FGF14: variants seen among roughly 807,000 people sequenced by gnomAD.
FGF14 encodes the protein fibroblast growth factor 14, also known as fibroblast growth factor homologous factor 4.
A neutral mutation model predicts 25.5 loss-of-function variants in FGF14; 5 were observed. That is an observed-to-expected ratio of 0.20 (90% CI 0.10 to 0.41). The LOEUF is 0.41. FGF14 is among the 10% of genes least tolerant of loss of function. The pLI, the probability that FGF14 is intolerant of heterozygous loss-of-function variation, is 1.00. For missense variants in FGF14, 222 were observed against 320.1 expected, an observed-to-expected ratio of 0.69 and a Z score of 2.34; for synonymous variants, 138 against 118.3, an observed-to-expected ratio of 1.17 and a Z score of -1.08.
chr13:101,888,106 A>C (rs1040130804), intron 1 of FGF14, among the ~76,000 whole-genome samples: 3 of 152,118 alleles, frequency 2.0e-5, no homozygotes, highest in African/African-American at 7.2e-5. Flanking sequence ...TGGGGATAAC[A>C]GTAGGTGAGG....
intron 1 of FGF14, among the ~76,000 whole-genome samples, chr13:102,041,167 C>T (rs1006692507): frequency 4.6e-5 from 7 of 151,942 alleles, no homozygotes; most frequent in African/African-American, 1.7e-4. Context: ...TCTCTTCACA[C>T]ATATTTTTTA....
intron 3 of FGF14, among the ~76,000 whole-genome samples, chr13:101,758,997 A>T (rs2037832676): frequency 6.6e-6 from 1 of 152,222 alleles, no homozygotes; most frequent in Admixed American, 6.5e-5. Context: ...GAGAGATCAA[A>T]TTTCCAACCA....
chr13:102,104,938 T>C (rs1373946198), intron 1 of FGF14, among the ~76,000 whole-genome samples: 1 of 152,142 alleles, frequency 6.6e-6, no homozygotes, highest in Non-Finnish European at 1.5e-5. Flanking sequence ...AGAGATTAAA[T>C]TAAGAATAAA....
At chr13:101,854,572 G>A (rs973800584) in intron 3 of FGF14, among the ~76,000 whole-genome samples, 2 of 152,046 alleles carry the variant, frequency 1.3e-5, no homozygotes, top group African/African-American at 2.4e-5. Flanking sequence ...AAGATTAAAC[G>A]AAACATAATG....
At chr13:101,934,611 A>G (rs1269593126) in intron 1 of FGF14, among the ~76,000 whole-genome samples, 1 of 152,252 alleles carries the variant, frequency 6.6e-6, no homozygotes, top group African/African-American at 2.4e-5. Context: ...GTGCTATTCA[A>G]AATAAACAAA....
intron 3 of FGF14, among the ~76,000 whole-genome samples, chr13:101,843,059 T>C (rs572933021): frequency 3.9e-5 from 6 of 152,076 alleles, no homozygotes; most frequent in African/African-American, 4.8e-5. Flanking sequence ...ACCTGTAGTG[T>C]GGCTGGGTGT....
At chr13:102,215,487 G>A (rs2050333533) in intron 1 of FGF14, among the ~76,000 whole-genome samples, 1 of 152,046 alleles carries the variant, frequency 6.6e-6, no homozygotes, top group African/African-American at 2.4e-5. Context: ...ACTCAGAAAA[G>A]GTAAAAAGAA....
intron 1 of FGF14, among the ~76,000 whole-genome samples, chr13:102,290,460 G>A (rs2054328649): frequency 6.6e-6 from 1 of 152,080 alleles, no homozygotes; most frequent in Non-Finnish European, 1.5e-5. Flanking sequence ...AAGACAAATG[G>A]TAATAAGCCA....
intron 1 of FGF14, among the ~76,000 whole-genome samples, chr13:101,926,513 G>A (rs2139205787): frequency 6.6e-6 from 1 of 152,296 alleles, no homozygotes; most frequent in African/African-American, 2.4e-5. Context: ...AAAACGTACA[G>A]CAATTCTCAG....
At chr13:101,903,048 G>T (rs2031770343) in intron 1 of FGF14, among the ~76,000 whole-genome samples, 1 of 151,988 alleles carries the variant, frequency 6.6e-6, no homozygotes, top group Non-Finnish European at 1.5e-5. Context: ...CAGTTTTCTG[G>T]GGTTTTTTGT....
At chr13:102,298,664 G>A (rs56075802) in intron 1 of FGF14, among the ~76,000 whole-genome samples, 1 of 152,044 alleles carries the variant, frequency 6.6e-6, no homozygotes, top group Non-Finnish European at 1.5e-5. Flanking sequence ...GTGGACTCTA[G>A]ACACAAGGGT....
chr13:102,132,099 C>T (rs1430244807), intron 1 of FGF14, among the ~76,000 whole-genome samples: 1 of 152,068 alleles, frequency 6.6e-6, no homozygotes, highest in Non-Finnish European at 1.5e-5. Flanking sequence ...TCACAACATC[C>T]ATCAGCAGAC....
chr13:102,365,555 C>G (rs1240699009), intron 1 of FGF14, among the ~76,000 whole-genome samples: 1 of 152,070 alleles, frequency 6.6e-6, no homozygotes, highest in African/African-American at 2.4e-5. Flanking sequence ...TATGACTTTT[C>G]ATTAGAAACT....
At chr13:102,134,699 T>C (rs142486666) in intron 1 of FGF14, among the ~76,000 whole-genome samples, 15 of 152,320 alleles carry the variant, frequency 9.8e-5, no homozygotes, top group African/African-American at 3.4e-4. Flanking sequence ...GTGTTCCTTA[T>C]AGTGACTGAT....
At chr13:102,149,797 G>T (rs78097244) in intron 1 of FGF14, among the ~76,000 whole-genome samples, 1 of 152,124 alleles carries the variant, frequency 6.6e-6, no homozygotes, top group Non-Finnish European at 1.5e-5. Flanking sequence ...GGGAGTTAAC[G>T]AATTGGGTAA....
intron 1 of FGF14, among the ~76,000 whole-genome samples, chr13:101,881,944 A>G (rs998834936): frequency 6.6e-6 from 1 of 152,200 alleles, no homozygotes; most frequent in African/African-American, 2.4e-5. Context: ...CTACACTGCC[A>G]GCTGAGAGAG....
At position 101,722,921 on chromosome 13, in the gene FGF14, G is replaced by A; in HGVS notation, c.654C>T (p.Val218=). The A allele has an allele frequency of 6.2e-7, 1 of 1,613,278 alleles. No homozygotes were observed. Among genetic ancestry groups the A allele is most frequent in the Non-Finnish European group, 8.5e-7 (1 of 1,179,540 alleles). Residue 218 remains valine, a synonymous_variant, in exon 5 of 5, where the codon GTC becomes GTT. Coordinates refer to ENST00000376143, the MANE Select transcript of FGF14 (RefSeq NM_004115.4). The part of the protein sequence containing the change: ...EPSLHDVGET[V]PKPGVTPSKS... The stretch of plus-strand genomic sequence containing the variant: ...TACTTGGCGTCACCCCAGGCTTCGG[G>A]ACCGTTTCCCCAACATCATGCAAAG...
chr13:102,270,232 T>C (rs1480825015), intron 1 of FGF14, among the ~76,000 whole-genome samples: 1 of 152,146 alleles, frequency 6.6e-6, no homozygotes, highest in Non-Finnish European at 1.5e-5. Context: ...TAAATGTCTT[T>C]CATCTCTCTC....
rs557256845 is a variant in FGF14 at position 101,859,707 on chromosome 13, A to G, written c.408+9018T>C. Among the ~76,000 whole-genome samples, 5 of 152,218 alleles carry G rather than the reference A, an allele frequency of 3.3e-5. No individual in the cohort carries two copies. The East Asian group carries it at 9.7e-4, about 30-fold the overall frequency. ...TGGTTGTAGTTAGGAAATACGTGTT[A>G]TGATGGGCCCATATGGGAACAACCC... is the stretch of plus-strand genomic sequence containing the variant. On this transcript the variant is annotated intron_variant, in intron 3 of 4. Transcript: ENST00000376143.
Sources: gnomAD v4.1 joint callset for allele counts (sites outside exome capture counted in the v4.1 genomes callset) on GRCh38, gnomAD v4.1.1 for gene constraint, MANE v1.5 for transcripts, NCBI Gene and HGNC (gene_info 2026-07-23, HGNC 2026-07-21) for gene names.